TTC6: variants seen among roughly 807,000 people sequenced by gnomAD.
The protein encoded by TTC6 is tetratricopeptide repeat domain 6, also known as tetratricopeptide repeat protein 6.
A neutral mutation model predicts 210.4 loss-of-function variants in TTC6; 172 were observed. The observed-to-expected ratio is 0.82, with a 90% CI of 0.72 to 0.93. TTC6 has a LOEUF of 0.93. Among genes scored for constraint, TTC6 ranks in the 40% least tolerant of loss-of-function variants. The probability of loss-of-function intolerance (pLI) is 0.00; values close to 1 mark genes in which losing one functional copy is unlikely to be tolerated. For synonymous variants in TTC6, 804 were observed against 819.6 expected (o/e 0.98, Z 0.32); for missense variants, 2,414 against 2,318.1 (o/e 1.04, Z -0.85).
intron 1 of TTC6, among the ~76,000 whole-genome samples, chr14:37,638,068 A>G (rs1212415400): frequency 6.6e-6 from 1 of 152,168 alleles, no homozygotes; most frequent in Non-Finnish European, 1.5e-5. Flanking sequence ...ATAACCCCTA[A>G]CTGTCAACAA....
chr14:37,842,664 T>C (rs2139068298), downstream of TTC6: 1 of 142,360 alleles, frequency 7.0e-6, no homozygotes, highest in South Asian at 2.5e-4. Context: ...TTGCTGACAA[T>C]GTATTAAACA....
chr14:37,809,033 G>T (rs1047389283), intron 24 of TTC6, among the ~76,000 whole-genome samples, 187 bp downstream of exon 26: 2 of 151,940 alleles, frequency 1.3e-5, no homozygotes, highest in Non-Finnish European at 2.9e-5. Flanking sequence ...GGAATTCCTA[G>T]GAAATACACA....
rs901671643 is a variant in TTC6 at position 37,737,829 on chromosome 14, A to G, written c.1983+95A>G. The G allele has an allele frequency of 1.3e-4, 81 of 630,890 alleles. No homozygotes were observed. The East Asian group carries it at 2.3e-3, about 18-fold the overall frequency. The allele number at this position is 630,890 out of a possible 1,614,324, so 39.1% of individuals were successfully genotyped here. A position where few individuals can be genotyped will look rare whatever the true frequency, so the allele number is the denominator to read the frequency against. On this transcript the variant is annotated intron_variant, in intron 9 of 30. Coordinates refer to ENST00000553443, the Ensembl canonical transcript of TTC6. The stretch of plus-strand genomic sequence containing the variant: ...TTTTTTTTTAAAAGCATCTACTTCT[A>G]TATTATATTCTCTAGTCTAATTACA...
chr14:37,651,453 T>C (rs67307668), intron 1 of TTC6, among the ~76,000 whole-genome samples: 1 of 72,496 alleles, frequency 1.4e-5, no homozygotes, highest in African/African-American at 4.0e-5. Flanking sequence ...TTTTTTTTTT[T>C]CCATCCATGA....
At chr14:37,604,514 C>T (rs1345158727) in intron 1 of TTC6, among the ~76,000 whole-genome samples, 1 of 152,070 alleles carries the variant, frequency 6.6e-6, no homozygotes, top group East Asian at 1.9e-4. Context: ...CTTTCCTGGG[C>T]TCCTGAGAGT....
chr14:37,725,569 A>T (rs71407727), intron 7 of TTC6, among the ~76,000 whole-genome samples: 1 of 151,230 alleles, frequency 6.6e-6, no homozygotes, highest in Non-Finnish European at 1.5e-5. Context: ...AGGCTGGTCT[A>T]GAACTCCTGA....
At chr14:37,815,000 A>T (rs1281131339) in intron 25 of TTC6, among the ~76,000 whole-genome samples, 1 of 152,182 alleles carries the variant, frequency 6.6e-6, no homozygotes, top group East Asian at 1.9e-4. Flanking sequence ...TTGTTTGTGA[A>T]GTTAATGGCT....
intron 6 of TTC6, among the ~76,000 whole-genome samples, chr14:37,719,530 A>G (rs1213778470): frequency 6.6e-6 from 1 of 152,148 alleles, no homozygotes; most frequent in African/African-American, 2.4e-5. Context: ...CAGAGTAGAA[A>G]ACCCACAAAT....
upstream of TTC6, among the ~76,000 whole-genome samples, chr14:37,621,117 T>G (rs989360999): frequency 2.6e-5 from 4 of 151,996 alleles, no homozygotes; most frequent in Admixed American, 1.3e-4. Flanking sequence ...AGGTGACACT[T>G]GGAGGGAGTG....
chr14:37,680,542 G>T (rs1438811075), intron 2 of TTC6, among the ~76,000 whole-genome samples: 1 of 152,098 alleles, frequency 6.6e-6, no homozygotes, highest in Non-Finnish European at 1.5e-5. Flanking sequence ...TAGAAGGTAG[G>T]TGGATAATTA....
chr14:37,756,137 T>C (rs2139067525), intron 14 of TTC6, among the ~76,000 whole-genome samples: 1 of 152,322 alleles, frequency 6.6e-6, no homozygotes, highest in East Asian at 1.9e-4. Context: ...TCACTCATGA[T>C]TTGGCTCTCT....
At chr14:37,646,678 A>G (rs990402229) in intron 1 of TTC6, among the ~76,000 whole-genome samples, 1 of 152,174 alleles carries the variant, frequency 6.6e-6, no homozygotes, top group Non-Finnish European at 1.5e-5. Context: ...CTTATTCCCA[A>G]ATTTTACTTG....
intron 1 of TTC6, among the ~76,000 whole-genome samples, chr14:37,604,779 C>T (rs1411185891): frequency 6.6e-6 from 1 of 152,164 alleles, no homozygotes; most frequent in Non-Finnish European, 1.5e-5. Context: ...GAAAGCAAGA[C>T]TCTTGATTTC....
chr14:37,608,758 A>G (rs1214730946), intron 2 of TTC6, among the ~76,000 whole-genome samples: 1 of 152,138 alleles, frequency 6.6e-6, no homozygotes, highest in African/African-American at 2.4e-5. Flanking sequence ...TTCTCTTTGG[A>G]GAACTGTGTT....
upstream of TTC6, among the ~76,000 whole-genome samples, chr14:37,618,240 T>G (rs2095645866): frequency 6.6e-6 from 1 of 152,158 alleles, no homozygotes; most frequent in South Asian, 2.1e-4. Flanking sequence ...TCTTTAGCCA[T>G]TTTTGGCTGG....
chr14:37,794,949 G>A (rs550372335), intron 17 of TTC6, among the ~76,000 whole-genome samples: 7 of 151,996 alleles, frequency 4.6e-5, no homozygotes, highest in African/African-American at 1.7e-4. Context: ...AGAAAAACTG[G>A]AAACTAAATG....
intron 1 of TTC6, among the ~76,000 whole-genome samples, chr14:37,671,738 G>A (rs942755676): frequency 7.9e-5 from 12 of 152,030 alleles, no homozygotes; most frequent in African/African-American, 2.2e-4. Flanking sequence ...ATCTTTAACC[G>A]TAATCTCACA....
At chr14:37,664,475 T>C (rs923090077) in intron 1 of TTC6, among the ~76,000 whole-genome samples, 4 of 150,490 alleles carry the variant, frequency 2.7e-5, no homozygotes, top group African/African-American at 9.7e-5. Context: ...CTGGACCCTT[T>C]CCTCACACCA....
At chr14:37,672,989 G>A (rs2095761417) in intron 1 of TTC6, among the ~76,000 whole-genome samples, 1 of 152,034 alleles carries the variant, frequency 6.6e-6, no homozygotes, top group Non-Finnish European at 1.5e-5. Context: ...TGTTCTGTTA[G>A]GACTTTGCAT....
Sources: allele counts gnomAD v4.1 joint callset (sites outside exome capture counted in the v4.1 genomes callset), GRCh38; gene constraint gnomAD v4.1.1; transcripts MANE v1.5; gene names NCBI Gene and HGNC (gene_info 2026-07-23, HGNC 2026-07-21).